Variants in MKLN1 observed in about 807,000 individuals in gnomAD.
MKLN1 encodes muskelin 1, also known as muskelin.
In MKLN1, 18 loss-of-function variants were observed where a neutral mutation model predicts 99.0. That is an observed-to-expected ratio of 0.18 (90% CI 0.13 to 0.27). The LOEUF (loss-of-function observed/expected upper bound fraction) is 0.27. MKLN1 is among the 10% of genes least tolerant of loss of function. The pLI, the probability that MKLN1 is intolerant of heterozygous loss-of-function variation, is 1.00. For synonymous variants in MKLN1, 288 were observed against 293.2 expected, an observed-to-expected ratio of 0.98 and a Z score of 0.18; for missense variants, 621 against 875.9, an observed-to-expected ratio of 0.71 and a Z score of 3.67.
chr7:131,153,308 C>T (rs1795916460), intron 2 of MKLN1, among the ~76,000 whole-genome samples: 1 of 151,908 alleles, frequency 6.6e-6, no homozygotes, highest in African/African-American at 2.4e-5. Flanking sequence ...TGCTTCTGTA[C>T]ATATTATTTA....
At chr7:131,235,906 C>T (rs1009465779) in intron 3 of MKLN1, among the ~76,000 whole-genome samples, 1 of 152,172 alleles carries the variant, frequency 6.6e-6, no homozygotes. Context: ...TCCTTCCCAC[C>T]GTCACCTTGG....
At chr7:131,173,962 CTTTT>C (rs1012893210) in intron 2 of MKLN1, among the ~76,000 whole-genome samples, 1 of 139,892 alleles carries the variant, frequency 7.1e-6, no homozygotes, top group African/African-American at 2.7e-5. Flanking sequence ...GTTTAAAGAC[CTTTT>C]TCTTTTTCTT....
At chr7:131,482,959 T>C (rs1056757405) in intron 17 of MKLN1, among the ~76,000 whole-genome samples, 1 of 152,214 alleles carries the variant, frequency 6.6e-6, no homozygotes, top group Non-Finnish European at 1.5e-5. Flanking sequence ...CCAGGCATAG[T>C]GCTAGTGAAT....
intron 2 of MKLN1, among the ~76,000 whole-genome samples, chr7:131,169,150 C>T (rs570895880): frequency 6.4e-4 from 97 of 152,306 alleles, no homozygotes; most frequent in African/African-American, 2.1e-3. Flanking sequence ...CAGGTGTGAG[C>T]CACCTCGCCC....
intron 1 of MKLN1, among the ~76,000 whole-genome samples, chr7:131,114,502 C>A (rs1280126448): frequency 6.6e-6 from 1 of 151,978 alleles, no homozygotes; most frequent in African/African-American, 2.4e-5. Flanking sequence ...TACTTTGGAA[C>A]CCTATGAAAA....
intron 1 of MKLN1, among the ~76,000 whole-genome samples, chr7:131,116,186 T>C (rs945138855): frequency 3.4e-5 from 5 of 148,280 alleles, no homozygotes; most frequent in Admixed American, 2.7e-4. Flanking sequence ...GACTATATAA[T>C]GAATATATAT....
intron 9 of MKLN1, among the ~76,000 whole-genome samples, chr7:131,436,172 T>G (rs1795670879): frequency 6.6e-6 from 1 of 152,316 alleles, no homozygotes; most frequent in Non-Finnish European, 1.5e-5. Context: ...AATATTAAAG[T>G]GTACATTCAC....
intron 6 of MKLN1, among the ~76,000 whole-genome samples, chr7:131,406,440 C>A (rs2116295884): frequency 6.6e-6 from 1 of 151,932 alleles, no homozygotes; most frequent in East Asian, 1.9e-4. Flanking sequence ...CATATTCTCA[C>A]CTTCTAATTC....
intron 12 of MKLN1, among the ~76,000 whole-genome samples, chr7:131,457,131 G>A (rs916120015): frequency 1.3e-5 from 2 of 152,042 alleles, no homozygotes; most frequent in Non-Finnish European, 2.9e-5. Context: ...TACAAAATTA[G>A]CCAGGCATGG....
chr7:131,447,924 C>T (rs772702698), intron 12 of MKLN1, among the ~76,000 whole-genome samples: 3 of 151,974 alleles, frequency 2.0e-5, no homozygotes, highest in Non-Finnish European at 2.9e-5. Context: ...AACTACTGCC[C>T]AAGATTAAAA....
intron 3 of MKLN1, among the ~76,000 whole-genome samples, chr7:131,296,769 C>T (rs1461558350): frequency 6.6e-6 from 1 of 152,158 alleles, no homozygotes; most frequent in African/African-American, 2.4e-5. Context: ...TGAAGTCTCA[C>T]TCTGTCACCC....
intron 6 of MKLN1, among the ~76,000 whole-genome samples, chr7:131,407,729 CCTTTGTGT>C (rs544549119): frequency 7.8e-4 from 117 of 149,468 alleles, no homozygotes; most frequent in Non-Finnish European, 1.4e-3. Context: ...TGCCTTTGTG[CCTTTGTGT>C]ATGCTGTATT....
intron 1 of MKLN1, among the ~76,000 whole-genome samples, chr7:131,339,064 TA>T (rs1423768898): frequency 6.6e-6 from 1 of 152,268 alleles, no homozygotes; most frequent in Non-Finnish European, 1.5e-5. Flanking sequence ...TAGTATGTCA[TA>T]CACGTAACAC....
chr7:131,489,255 T>C lies in MKLN1; in HGVS notation c.*1527T>C, dbSNP rs1273621284. On this transcript the variant is annotated 3_prime_UTR_variant, in exon 18 of 18. Transcript: ENST00000352689. Reference sequence around the variant, plus strand: ...CTTATTTTGGGGATGGATAGAAATATATTTTTGCTAGTTCTAGGCTTGAAT... The same window carrying C: ...CTTATTTTGGGGATGGATAGAAATACATTTTTGCTAGTTCTAGGCTTGAAT... The C allele has an allele frequency of 6.6e-6, 1 of 152,150 alleles. No individual in the cohort carries two copies. Among genetic ancestry groups the C allele is most frequent in the Non-Finnish European group, 1.5e-5 (1 of 68,016 alleles). 9.4% of individuals were successfully genotyped at this position (152,150 alleles called of 1,614,324 possible). A position where few individuals can be genotyped will look rare whatever the true frequency, so the allele number is the denominator to read the frequency against.
In MKLN1 at chr7:131,116,071, C is replaced by T. The variant is rs187924263; in HGVS notation, c.-419+5864C>T. On this transcript the variant is annotated intron_variant, in intron 1 of 7. Coordinates refer to the MKLN1 transcript ENST00000416992. ...CTGTAATCCCAGCACTTTGGGATGC[C>T]GAGGCGGGCAGATCACGAGGTCAGG... 3.8e-3 allele frequency among the ~76,000 whole-genome samples: 572 copies of T among 151,896 alleles called. 3 individuals carry two copies. The highest frequency in any genetic ancestry group is 7.4e-3 in the African/African-American group (308 of 41,350).
At chr7:131,229,472 G>A (rs186964277) in intron 3 of MKLN1, among the ~76,000 whole-genome samples, 78 of 152,248 alleles carry the variant, frequency 5.1e-4, no homozygotes, top group Non-Finnish European at 7.8e-4. Context: ...GCTTTGTTAC[G>A]TAGAGGAAGC....
Position 131,258,001 on chromosome 7 carries a change from G to A in MKLN1, c.-179+55027G>A, listed in dbSNP as rs555421987. 3.3e-5 allele frequency among the ~76,000 whole-genome samples: 5 copies of A among 151,596 alleles called. No homozygotes were observed. The East Asian group carries it at 5.8e-4, about 18-fold the overall frequency. On this transcript the variant is annotated intron_variant, in intron 3 of 7. Transcript: ENST00000416992. ...CTGGGCGTGGTGGAGTGTTCCTGTC[G>A]TCCCAGCTACTTGGGAGGCTGAGGC...
At chr7:131,288,538 C>A (rs10267502) in intron 3 of MKLN1, among the ~76,000 whole-genome samples, 1 of 151,738 alleles carries the variant, frequency 6.6e-6, no homozygotes, top group Non-Finnish European at 1.5e-5. Context: ...ATTTTCAGAA[C>A]GGAGAGATAT....
intron 3 of MKLN1, among the ~76,000 whole-genome samples, chr7:131,297,884 C>T (rs1457912807): frequency 6.6e-6 from 1 of 152,218 alleles, no homozygotes; most frequent in African/African-American, 2.4e-5. Context: ...AGCCAGACTC[C>T]TATTGGAAAG....
Sources: gnomAD v4.1 joint callset for allele counts (sites outside exome capture counted in the v4.1 genomes callset) on GRCh38, gnomAD v4.1.1 for gene constraint, MANE v1.5 for transcripts, NCBI Gene and HGNC (gene_info 2026-07-23, HGNC 2026-07-21) for gene names.